Variants in TSEN2 observed in about 807,000 individuals in gnomAD.
TSEN2 encodes the protein tRNA splicing endonuclease subunit 2.
A neutral mutation model predicts 59.2 loss-of-function variants in TSEN2; 54 were observed. The observed-to-expected ratio is 0.91, with a 90% CI of 0.73 to 1.14. TSEN2 has a LOEUF of 1.14. TSEN2 is among the 50% of genes most tolerant of loss of function. TSEN2 has a pLI of 0.00. For missense variants in TSEN2, 636 were observed against 576.2 expected (o/e 1.10, Z -1.06); for synonymous variants, 195 against 198.2 (o/e 0.98, Z 0.14).
chr3:12,535,929 G>A (rs919518001), downstream of TSEN2, among the ~76,000 whole-genome samples: 2 of 152,130 alleles, frequency 1.3e-5, no homozygotes, highest in Non-Finnish European at 2.9e-5. Flanking sequence ...CCGAGCCTTG[G>A]TTTCCTCAAC....
chr3:12,536,649 C>G (rs2125276930), downstream of TSEN2, among the ~76,000 whole-genome samples: 1 of 152,248 alleles, frequency 6.6e-6, no homozygotes, highest in East Asian at 1.9e-4. Flanking sequence ...TGGTGTAAAT[C>G]AATGGCTGAT....
At position 12,503,284 on chromosome 3, in the gene TSEN2, G is replaced by A. The variant is rs545512354; in HGVS notation, c.331G>A (p.Ala111Thr). The change falls in exon 5 of 12, where the codon GCA becomes ACA. Residue 111 changes from alanine to threonine, a missense_variant. Coordinates refer to ENST00000284995, the MANE Select transcript of TSEN2 (RefSeq NM_025265.4). ...SKRYQHSVEWAAELMRRQGQD... is the reference protein window; with the variant it reads ...SKRYQHSVEWTAELMRRQGQD... Reference sequence around the variant, plus strand: ...CAGGTATCAGCATAGTGTTGAGTGGGCAGCAGAGCTGATGCGTAGACAGGG... The same window carrying A: ...CAGGTATCAGCATAGTGTTGAGTGGACAGCAGAGCTGATGCGTAGACAGGG... 9.9e-5 allele frequency: 160 copies of A among 1,614,174 alleles called. 3 individuals are homozygous for A. In the South Asian group the frequency reaches 1.7e-3, roughly 17 times the overall value.
intron 7 of TSEN2, among the ~76,000 whole-genome samples, chr3:12,518,016 G>T (rs1454105422): frequency 1.3e-5 from 2 of 151,926 alleles, no homozygotes; most frequent in African/African-American, 2.4e-5. Context: ...GAGTGACTGA[G>T]CCTTAAATCA....
At chr3:12,526,909 T>C (rs2057129336) in intron 8 of TSEN2, among the ~76,000 whole-genome samples, 1 of 152,228 alleles carries the variant, frequency 6.6e-6, no homozygotes. Context: ...AAGATGTGTG[T>C]TTGATTACAG....
chr3:12,509,501 G>A (rs2055204445), intron 6 of TSEN2, among the ~76,000 whole-genome samples: 1 of 152,118 alleles, frequency 6.6e-6, no homozygotes. Flanking sequence ...CACGCTGCCA[G>A]GCAGTCAACT....
chr3:12,510,470 A>G (rs963520076), intron 6 of TSEN2, among the ~76,000 whole-genome samples: 3 of 152,188 alleles, frequency 2.0e-5, no homozygotes, highest in Non-Finnish European at 4.4e-5. Flanking sequence ...TCTTATTTAG[A>G]AAATAAAGAC....
chr3:12,511,863 A>G (rs1221037447), intron 6 of TSEN2, among the ~76,000 whole-genome samples: 2 of 152,166 alleles, frequency 1.3e-5, no homozygotes, highest in Non-Finnish European at 2.9e-5. Context: ...CACCCTGCCT[A>G]GGTTTTATAT....
At chr3:12,512,051 A>G (rs1251504363) in intron 6 of TSEN2, among the ~76,000 whole-genome samples, 1 of 152,222 alleles carries the variant, frequency 6.6e-6, no homozygotes, top group African/African-American at 2.4e-5. Flanking sequence ...GGCATTCCTC[A>G]GTTTCCTCAG....
At chr3:12,517,597 G>A (rs934784439) in intron 7 of TSEN2, among the ~76,000 whole-genome samples, 2 of 152,120 alleles carry the variant, frequency 1.3e-5, no homozygotes, top group African/African-American at 2.4e-5. Flanking sequence ...GAGCAGATAA[G>A]GTATATTCTG....
intron 8 of TSEN2, among the ~76,000 whole-genome samples, chr3:12,524,240 A>G (rs2056898999): frequency 6.6e-6 from 1 of 152,060 alleles, no homozygotes; most frequent in Non-Finnish European, 1.5e-5. Context: ...CCTGGCTTTG[A>G]TTTTCTTGTT....
At chr3:12,498,651 A>G (rs1418621958) in intron 4 of TSEN2, among the ~76,000 whole-genome samples, 1 of 152,224 alleles carries the variant, frequency 6.6e-6, no homozygotes, top group Non-Finnish European at 1.5e-5. Flanking sequence ...CAGTGCAGGA[A>G]TGTTGCTTGA....
intron 2 of TSEN2, among the ~76,000 whole-genome samples, chr3:12,491,852 T>G (rs549769064): frequency 6.6e-6 from 1 of 152,364 alleles, no homozygotes; most frequent in South Asian, 2.1e-4. Context: ...GGACTTTATT[T>G]TCTTATATTA....
chr3:12,485,575 G>A (rs1036799221), intron 1 of TSEN2, among the ~76,000 whole-genome samples: 1 of 152,220 alleles, frequency 6.6e-6, no homozygotes, highest in African/African-American at 2.4e-5. Flanking sequence ...TTAGCTATAT[G>A]TTAAAATCAG....
chr3:12,506,454 G>A (rs2054843277), intron 6 of TSEN2, among the ~76,000 whole-genome samples: 1 of 152,002 alleles, frequency 6.6e-6, no homozygotes, highest in East Asian at 1.9e-4. Flanking sequence ...AATTAGCCAG[G>A]TGTGGCGGTG....
intron 7 of TSEN2, among the ~76,000 whole-genome samples, chr3:12,517,988 A>G (rs1045773892): frequency 6.6e-6 from 1 of 152,208 alleles, no homozygotes; most frequent in African/African-American, 2.4e-5. Flanking sequence ...GGCTGGGACA[A>G]ACTGAGCCAG....
intron 8 of TSEN2, among the ~76,000 whole-genome samples, chr3:12,521,313 A>G (rs79254334): frequency 2.6e-4 from 40 of 152,260 alleles, no homozygotes; most frequent in African/African-American, 9.6e-4. Flanking sequence ...TTCTAGGGGG[A>G]TGGGGGAGAC....
intron 10 of TSEN2, chr3:12,530,438 T>G: frequency 1.0e-6 from 1 of 985,702 alleles, no homozygotes; most frequent in Non-Finnish European, 1.2e-6. Flanking sequence ...TCCCTGGCTT[T>G]TGTTTCACTA....
intron 1 of TSEN2, among the ~76,000 whole-genome samples, chr3:12,488,008 G>A (rs1297877399): frequency 6.6e-6 from 1 of 152,158 alleles, no homozygotes; most frequent in Non-Finnish European, 1.5e-5. Flanking sequence ...TGTAATTGAT[G>A]TATCATTTCC....
intron 6 of TSEN2, chr3:12,505,513 G>T (rs1355834138): frequency 2.8e-6 from 1 of 356,448 alleles, no homozygotes; most frequent in Admixed American, 4.0e-5. Flanking sequence ...GTTAGGCCGG[G>T]TGCGGGGGCT....
Sources: allele counts gnomAD v4.1 joint callset (sites outside exome capture counted in the v4.1 genomes callset), GRCh38; gene constraint gnomAD v4.1.1; transcripts MANE v1.5; gene names NCBI Gene and HGNC (gene_info 2026-07-23, HGNC 2026-07-21).